BTNL8: variants seen among roughly 807,000 people sequenced by gnomAD.
BTNL8 encodes butyrophilin-like protein 8.
In BTNL8, 22 loss-of-function variants were observed where a neutral mutation model predicts 36.1. The ratio of observed to expected loss-of-function variants is 0.61; its 90% CI spans 0.44 to 0.87. BTNL8 has a LOEUF of 0.87. BTNL8 is among the 40% of genes least tolerant of loss of function. The probability of loss-of-function intolerance (pLI) is 0.00; values close to 1 mark genes in which losing one functional copy is unlikely to be tolerated. For synonymous variants in BTNL8, 203 were observed against 235.6 expected (o/e 0.86, Z 1.27); for missense variants, 526 against 616.9 (o/e 0.85, Z 1.56).
At chr5:180,933,127 A>G (rs146677324) in intron 3 of BTNL8, among the ~76,000 whole-genome samples, 17,621 of 152,184 alleles carry the variant, frequency 0.12, 3,092 homozygotes, top group African/African-American at 0.38. Flanking sequence ...CCAAGAACAT[A>G]TAACAATATA....
intron 4 of BTNL8, 79 bp from the exon 5 acceptor site, chr5:180,948,276 A>G (rs1759372520): frequency 6.8e-7 from 1 of 1,463,464 alleles, no homozygotes; most frequent in African/African-American, 1.4e-5. Context: ...AGCTCGTCCC[A>G]CCTGTGCAAG....
At position 180,935,162 on chromosome 5, in the gene BTNL8, G is replaced by C. The variant is rs533299844; in HGVS notation, c.674-12350G>C. Among the ~76,000 whole-genome samples, 1 of 152,156 alleles carries C rather than the reference G, an allele frequency of 6.6e-6. No homozygotes were observed. The highest frequency in any genetic ancestry group is 1.9e-4 in the East Asian group (1 of 5,186). ...GTTCATGGATGGCCATGGGTGGCTG[G>C]GAAAAAGCACCATAAATTCTGACTC... is the stretch of plus-strand genomic sequence containing the variant. On this transcript the variant is annotated intron_variant, in intron 3 of 7. Coordinates refer to ENST00000340184, the MANE Select transcript of BTNL8 (RefSeq NM_001040462.3). The surrounding 1 kb of genome is among the most constrained non-coding windows in gnomAD (Gnocchi z 4.8).
chr5:180,940,796 T>C (rs1278620057), intron 3 of BTNL8, among the ~76,000 whole-genome samples: 10 of 152,140 alleles, frequency 6.6e-5, no homozygotes, highest in Non-Finnish European at 1.5e-4. Flanking sequence ...CGGGGCACAA[T>C]TGTTCATGCC....
intron 3 of BTNL8, among the ~76,000 whole-genome samples, chr5:180,911,867 A>AT (rs1251856304): frequency 6.6e-6 from 1 of 152,130 alleles, no homozygotes; most frequent in African/African-American, 2.4e-5. Flanking sequence ...GTGATGGTTA[A>AT]TTTTTTGGGT....
At position 180,901,331 on chromosome 5, in the gene BTNL8, A is replaced by G. The variant is rs192110056; in HGVS notation, c.49+1972A>G. ...GTATATCCATATACCATAAATGGAT[A>G]CATGTGAATGAATCAAGAGACACTG... On this transcript the variant is annotated intron_variant, in intron 1 of 7. Transcript: ENST00000340184. 3.2e-3 allele frequency among the ~76,000 whole-genome samples: 483 copies of G among 152,336 alleles called. 2 individuals carry two copies. The highest frequency in any genetic ancestry group is 0.011 in the African/African-American group (460 of 41,564).
At chr5:180,936,654 C>T (rs1758665046) in intron 3 of BTNL8, among the ~76,000 whole-genome samples, 1 of 152,218 alleles carries the variant, frequency 6.6e-6, no homozygotes, top group African/African-American at 2.4e-5. Flanking sequence ...ATGTCCTTGA[C>T]TAGCAGAGCT....
rs758857333 is a variant in BTNL8 at position 180,950,382 on chromosome 5, G to A, written c.1341G>A (p.Pro447=). The A allele has an allele frequency of 6.8e-6, 10 of 1,462,570 alleles. 1 individual carries two copies. The highest frequency in any genetic ancestry group is 4.9e-5 in the East Asian group (2 of 40,944). 90.6% of individuals were successfully genotyped at this position (1,462,570 alleles called of 1,614,324 possible). A position where few individuals can be genotyped will look rare whatever the true frequency, so the allele number is the denominator to read the frequency against. The change falls in exon 8 of 8, where the codon CCG becomes CCA. Residue 447 remains proline (P), a synonymous_variant. Coordinates refer to ENST00000340184, the MANE Select transcript of BTNL8 (RefSeq NM_001040462.3). ...TATTGAGGCCCTACATTGAGTATCCGTCCTATAATGAGCAAAATGGAACTC... is the reference window on the plus strand; with the variant it reads ...TATTGAGGCCCTACATTGAGTATCCATCCTATAATGAGCAAAATGGAACTC... ...EGLLRPYIEY[P]SYNEQNGTPI... is the part of the protein sequence containing the mutation.
intron 3 of BTNL8, among the ~76,000 whole-genome samples, chr5:180,928,279 A>G (rs201630978): frequency 1.3e-5 from 2 of 152,218 alleles, no homozygotes; most frequent in African/African-American, 4.8e-5. Flanking sequence ...CAGAAAAGCA[A>G]ATGCTGAGGG....
chr5:180,909,747 G>C, intron 2 of BTNL8: 1 of 235,224 alleles, frequency 4.3e-6, no homozygotes, highest in Non-Finnish European at 6.9e-6. Flanking sequence ...ATGAAAGAAG[G>C]AAAAAACAGA....
Position 180,950,426 on chromosome 5 carries a change from T to TC in BTNL8, c.1386dup (p.Thr463HisfsTer23), listed in dbSNP as rs764813890. 1 of 1,463,614 alleles carries TC rather than the reference T, an allele frequency of 6.8e-7. No homozygotes were observed. The highest frequency in any genetic ancestry group is 2.4e-5 in the East Asian group (1 of 40,962). 90.7% of individuals were successfully genotyped at this position (1,463,614 alleles called of 1,614,324 possible). ...GGAACTCCCATAGTCATCTGCCCAG[T>TC]CACCCAGGAATCAGAGAAAGAGGCC... On this transcript the variant is annotated frameshift_variant, in exon 8 of 8. Coordinates refer to ENST00000340184, the MANE Select transcript of BTNL8 (RefSeq NM_001040462.3). LOFTEE classifies it low-confidence loss of function (END_TRUNC).
chr5:180,908,268 G>A (rs1757200582), intron 1 of BTNL8, among the ~76,000 whole-genome samples: 2 of 151,430 alleles, frequency 1.3e-5, no homozygotes, highest in Non-Finnish European at 3.0e-5. Context: ...GGAGTGACCC[G>A]ATTTTCCAGG....
chr5:180,944,581 A>G (rs1582063808), intron 3 of BTNL8, among the ~76,000 whole-genome samples: 3 of 152,208 alleles, frequency 2.0e-5, no homozygotes, highest in African/African-American at 7.2e-5. Context: ...TTTAAATAGC[A>G]GCAATAAGTT....
At chr5:180,911,206 A>T in intron 2 of BTNL8, 133 bp from the exon 3 acceptor site, 1 of 1,393,338 alleles carries the variant, frequency 7.2e-7, no homozygotes, top group South Asian at 1.4e-5. Context: ...GCTTTTGCCA[A>T]AGGTCGTGGT....
intron 1 of BTNL8, among the ~76,000 whole-genome samples, chr5:180,905,104 C>G (rs1757019392): frequency 6.6e-6 from 1 of 151,228 alleles, no homozygotes; most frequent in South Asian, 2.1e-4. Flanking sequence ...AGGAATGGTA[C>G]CAGTTCCTCC....
Position 180,911,477 on chromosome 5 carries a change from C to T in BTNL8, c.536C>T (p.Ser179Phe), listed in dbSNP as rs201314326. The part of the protein sequence containing the change: ...GPQGQDLSTD[S>F]RTNRDMHGLF... ...CAAGGACAGGATTTGTCCACAGACT[C>T]CAGGACAAACAGAGACATGCATGGC... is the stretch of plus-strand genomic sequence containing the variant. Residue 179 changes from serine (S) to phenylalanine (F), a missense_variant, in exon 3 of 8, where the codon TCC becomes TTC. Ser to Phe is a radical substitution (Grantham distance 155, BLOSUM62 -2). Around this residue, in one of 2 missense-constraint regions of BTNL8, gnomAD observed 350 missense variants for 324.6 expected, o/e 1.08. Coordinates refer to ENST00000340184, the MANE Select transcript of BTNL8 (RefSeq NM_001040462.3). 434 of 1,614,196 alleles carry T rather than the reference C, an allele frequency of 2.7e-4. No individual in the cohort carries two copies. The highest frequency in any genetic ancestry group is 3.5e-4 in the Non-Finnish European group (418 of 1,180,036).
At chr5:180,926,943 A>G (rs1227654900) in intron 3 of BTNL8, among the ~76,000 whole-genome samples, 2 of 152,200 alleles carry the variant, frequency 1.3e-5, no homozygotes, top group Non-Finnish European at 2.9e-5. Flanking sequence ...AGAGAACAGC[A>G]GCTCTCCCAG....
At chr5:180,942,512 G>A (rs1004034448) in intron 3 of BTNL8, among the ~76,000 whole-genome samples, 6 of 152,216 alleles carry the variant, frequency 3.9e-5, no homozygotes, top group Admixed American at 6.5e-5. Context: ...AACAAAGCTG[G>A]AAGTATCACA....
chr5:180,899,366 C>T lies in BTNL8; in HGVS notation c.49+7C>T. On this transcript the variant is annotated splice_region_variant and intron_variant, in intron 1 of 7. Coordinates refer to ENST00000340184, the MANE Select transcript of BTNL8 (RefSeq NM_001040462.3). ...CTCCTCAAGCTGGGATCAGGTAAGA[C>T]TCATCTTTGTTTCCTCCTTACTAAC... 3 of 1,612,484 alleles carry T rather than the reference C, an allele frequency of 1.9e-6. No homozygotes were observed. Among genetic ancestry groups the T allele is most frequent in the Middle Eastern group, 1.6e-4 (1 of 6,062 alleles).
intron 4 of BTNL8, 132 bp downstream of exon 4, chr5:180,947,757 TA>T (rs771086335): frequency 6.2e-7 from 1 of 1,613,814 alleles, no homozygotes; most frequent in Admixed American, 1.7e-5. Context: ...CCCAAAAAAG[TA>T]ATCATCCTTC....
Sources: gnomAD v4.1 joint callset for allele counts (sites outside exome capture counted in the v4.1 genomes callset) on GRCh38, gnomAD v4.1.1 for gene constraint, gnomAD v4.1.1 regional missense constraint, Gnocchi (gnomAD v3.1) non-coding constraint, MANE v1.5 for transcripts, NCBI Gene and HGNC (gene_info 2026-07-23, HGNC 2026-07-21) for gene names.